The following UTP15 variants were observed in gnomAD, a reference collection of about 807,000 sequenced individuals.
UTP15 encodes the protein UTP15 small subunit processome component.
UTP15 carries 5 observed loss-of-function variants against 59.1 expected under a neutral mutation model. The observed-to-expected ratio is 0.08, with a 90% CI of 0.04 to 0.18. UTP15 has a LOEUF of 0.18. Among genes scored for constraint, UTP15 ranks in the 10% least tolerant of loss-of-function variants. The pLI, the probability that UTP15 is intolerant of heterozygous loss-of-function variation, is 1.00. For missense variants in UTP15, 494 were observed against 616.7 expected (o/e 0.80, Z 2.11); for synonymous variants, 211 against 212.2 (o/e 0.99, Z 0.05).
In UTP15 at chr5:73,570,600, A is replaced by G; in HGVS notation, c.562A>G (p.Thr188Ala). The part of the protein sequence containing the change: ...DLFITGSYDH[T>A]VKMFDARTSE... Reference sequence around the variant, plus strand: ...TGACATTTTAGGATCATATGATCATACTGTGAAGATGTTTGATGCACGAAC... The same window carrying G: ...TGACATTTTAGGATCATATGATCATGCTGTGAAGATGTTTGATGCACGAAC... Residue 188 changes from threonine (T) to alanine (A), a missense_variant, in exon 6 of 13, where the codon ACT becomes GCT. Transcript: ENST00000296792. 1.9e-6 allele frequency: 3 copies of G among 1,614,192 alleles called. No homozygotes were observed. Among genetic ancestry groups the G allele is most frequent in the Non-Finnish European group, 2.5e-6 (3 of 1,180,012 alleles).
Position 73,580,296 on chromosome 5 carries a change from G to C in UTP15, c.*202G>C. On this transcript the variant is annotated 3_prime_UTR_variant, in exon 13 of 13. Transcript: ENST00000296792. ...TTTCCATGTAATATTTTGAATTATAGCATCTTCACCTAGAAGATCTCAATT... is the reference window on the plus strand; with the variant it reads ...TTTCCATGTAATATTTTGAATTATACCATCTTCACCTAGAAGATCTCAATT... 2.2e-6 allele frequency: 1 copy of C among 461,736 alleles called. No homozygotes were observed. Among genetic ancestry groups the C allele is most frequent in the Non-Finnish European group, 3.9e-6 (1 of 258,864 alleles). The allele number at this position is 461,736 out of a possible 1,614,324, so 28.6% of individuals were successfully genotyped here.
At chr5:73,575,482 T>A (rs1008126898) in intron 7 of UTP15, among the ~76,000 whole-genome samples, 1 of 151,914 alleles carries the variant, frequency 6.6e-6, no homozygotes. Context: ...AAGAATTCTG[T>A]GCCCCAAAAT....
At position 73,582,297 on chromosome 5, in the gene UTP15, T is replaced by C. The variant is rs781273253; in HGVS notation, c.*2203T>C. 2 of 152,228 alleles carry C rather than the reference T, an allele frequency of 1.3e-5. No homozygotes were observed. Among genetic ancestry groups the C allele is most frequent in the Non-Finnish European group, 2.9e-5 (2 of 68,058 alleles). 9.4% of individuals were successfully genotyped at this position (152,228 alleles called of 1,614,324 possible). On this transcript the variant is annotated 3_prime_UTR_variant, in exon 13 of 13. Transcript: ENST00000296792. ...ACTGAGTGCTGCAGTTCTCAAAATA[T>C]GTAACAGTTAACACATTTTTCAAAC...
Position 73,580,221 on chromosome 5 carries a change from T to C in UTP15, c.*127T>C. ...GCAGAAGCAGTTCTGTGGAAGAGAC[T>C]GGAATAATTATGGCCGGAAAACAAG... On this transcript the variant is annotated 3_prime_UTR_variant, in exon 13 of 13. Coordinates refer to ENST00000296792, the MANE Select transcript of UTP15 (RefSeq NM_032175.4). The C allele has an allele frequency of 1.4e-6, 1 of 709,400 alleles. No homozygotes were observed. Among genetic ancestry groups the C allele is most frequent in the Non-Finnish European group, 2.2e-6 (1 of 453,482 alleles). 43.9% of individuals were successfully genotyped at this position (709,400 alleles called of 1,614,324 possible).
intron 7 of UTP15, among the ~76,000 whole-genome samples, chr5:73,575,488 A>C (rs888553759): frequency 6.6e-6 from 1 of 152,160 alleles, no homozygotes; most frequent in Non-Finnish European, 1.5e-5. Context: ...TCTGTGCCCC[A>C]AAATGACAGT....
In UTP15 at chr5:73,577,932, A is replaced by T. The variant is rs1748150013; in HGVS notation, c.971A>T (p.Lys324Met). ...AAACATCGGAAATCTGAAGCAAAGA[A>T]GGAATCACTTCCCAGAAGAAGAAGG... The part of the protein sequence containing the change: ...SVKHRKSEAK[K>M]ESLPRRRRPA... Residue 324 changes from lysine (K) to methionine (M), a missense_variant, in exon 9 of 13, where the codon AAG (lysine) becomes ATG (methionine). By Grantham distance (95) the Lys-to-Met change is moderately conservative. Transcript: ENST00000296792. 1 of 1,591,680 alleles carries T rather than the reference A, an allele frequency of 6.3e-7. No individual in the cohort carries two copies. The highest frequency in any genetic ancestry group is 8.5e-7 in the Non-Finnish European group (1 of 1,173,740).
rs1343250911 is a variant in UTP15, at chr5:73,568,347, T to G, written c.183+20T>G. The G allele has an allele frequency of 6.3e-7, 1 of 1,583,340 alleles. No homozygotes were observed. Among genetic ancestry groups the G allele is most frequent in the Admixed American group, 1.8e-5 (1 of 54,112 alleles). ...TCAAGAGTAAGTATAATATTAAATT[T>G]CTTTATTTTTCTTTTGTATAGTTTA... is the stretch of plus-strand genomic sequence containing the variant. On this transcript the variant is annotated intron_variant, in intron 3 of 12. Transcript: ENST00000296792.
chr5:73,573,654 G>A (rs1000327010), intron 7 of UTP15, among the ~76,000 whole-genome samples: 5 of 148,230 alleles, frequency 3.4e-5, no homozygotes, highest in Non-Finnish European at 5.9e-5. Context: ...TCAGCTCACT[G>A]CAACCTCTGC....
Position 73,577,030 on chromosome 5 carries a change from C to T in UTP15, c.888C>T (p.Ala296=). ...FDYAASILSL[A]LAHEDETIVV... The stretch of plus-strand genomic sequence containing the variant: ...ATGCAGCTTCAATTTTGAGTCTTGC[C>T]CTTGCAGTAAGTACCTTTACCTATT... Residue 296 remains alanine, a synonymous_variant, in exon 8 of 13, where the codon GCC becomes GCT. Transcript: ENST00000296792. 3 of 1,607,782 alleles carry T rather than the reference C, an allele frequency of 1.9e-6. No individual in the cohort carries two copies. The highest frequency in any genetic ancestry group is 2.5e-6 in the Non-Finnish European group (3 of 1,177,894).
chr5:73,572,723 A>G, intron 7 of UTP15, 99 bp downstream of exon 7: 1 of 1,205,948 alleles, frequency 8.3e-7, no homozygotes, highest in Non-Finnish European at 1.1e-6. Flanking sequence ...AAGTATACAG[A>G]TAATGATTTC....
At position 73,578,759 on chromosome 5, in the gene UTP15, T is replaced by G. The variant is rs142119358; in HGVS notation, c.1053T>G (p.Ile351Met). Residue 351 changes from isoleucine to methionine, a missense_variant, in exon 10 of 13, where the codon ATT (isoleucine) becomes ATG (methionine). Physicochemically the swap from Ile to Met is conservative, Grantham distance 10 (BLOSUM62 1). Coordinates refer to ENST00000296792, the MANE Select transcript of UTP15 (RefSeq NM_032175.4). The stretch of plus-strand genomic sequence containing the variant: ...TGTACTTTTCATTGCAGGATGACAT[T>G]TTGATTAACAGGCCAGCAAAGAAGC... ...GKNYMKQRDD[I>M]LINRPAKKHL... The G allele has an allele frequency of 1.8e-4, 290 of 1,613,760 alleles. 1 individual carries two copies. In the African/African-American group the frequency reaches 2.7e-3, roughly 15 times the overall value.
rs1314275154 is a variant in UTP15, at chr5:73,565,843, G to T, written c.-153G>T. ...GTGCTGCTGAACTGTGCAGGGTAGGGAGCTGGCACAGTCCGATTAATTGTC... is the reference window on the plus strand; with the variant it reads ...GTGCTGCTGAACTGTGCAGGGTAGGTAGCTGGCACAGTCCGATTAATTGTC... On this transcript the variant is annotated 5_prime_UTR_variant, in exon 1 of 13. Coordinates refer to ENST00000296792, the MANE Select transcript of UTP15 (RefSeq NM_032175.4). 6.6e-6 allele frequency: 3 copies of T among 456,192 alleles called. No homozygotes were observed. Among genetic ancestry groups the T allele is most frequent in the East Asian group, 1.4e-4 (2 of 14,406 alleles). 28.3% of individuals were successfully genotyped at this position (456,192 alleles called of 1,614,324 possible).
rs949623747 is a variant in UTP15, at chr5:73,579,056, A to G, written c.1186A>G (p.Ile396Val). The change falls in exon 11 of 13, where the codon ATC (isoleucine) becomes GTC (valine). Residue 396 changes from isoleucine to valine, a missense_variant. Transcript: ENST00000296792. ...TIKTPEITVS[I>V]IKELNRRGVL... ...AAAGACACCCGAGATTACGGTGTCC[A>G]TCATAAAGGAGTTAAATCGAAGAGG... The G allele has an allele frequency of 1.9e-6, 3 of 1,613,948 alleles. No homozygotes were observed. The highest frequency in any genetic ancestry group is 2.5e-6 in the Non-Finnish European group (3 of 1,179,886).
In UTP15 at chr5:73,565,839, T is replaced by C. The variant is rs1402941808; in HGVS notation, c.-157T>C. ...GCCAGTGCTGCTGAACTGTGCAGGG[T>C]AGGGAGCTGGCACAGTCCGATTAAT... On this transcript the variant is annotated 5_prime_UTR_variant, in exon 1 of 13. Coordinates refer to ENST00000296792, the MANE Select transcript of UTP15 (RefSeq NM_032175.4). 2 of 456,148 alleles carry C rather than the reference T, an allele frequency of 4.4e-6. No homozygotes were observed. The highest frequency in any genetic ancestry group is 2.3e-5 in the Admixed American group (1 of 42,556). The allele number at this position is 456,148 out of a possible 1,614,324, so 28.3% of individuals were successfully genotyped here.
intron 5 of UTP15, among the ~76,000 whole-genome samples, chr5:73,570,177 T>C (rs1747891481): frequency 6.6e-6 from 1 of 152,200 alleles, no homozygotes; most frequent in Non-Finnish European, 1.5e-5. Flanking sequence ...TGTTGATTGT[T>C]CATGTCTTCC....
chr5:73,568,302 A>G lies in UTP15; in HGVS notation c.158A>G (p.Asn53Ser), dbSNP rs779351460. ...GACTTTTCTCCTCAGCCTCCATATA[A>G]TTATGCTGTCACAGCTTCCTCAAGA... is the stretch of plus-strand genomic sequence containing the variant. ...KVDFSPQPPYNYAVTASSRIH... is the reference protein window; with the variant it reads ...KVDFSPQPPYSYAVTASSRIH... Residue 53 changes from asparagine to serine, a missense_variant, in exon 3 of 13, where the codon AAT becomes AGT. Asn to Ser is a conservative substitution (Grantham distance 46). Transcript: ENST00000296792. 2 of 1,610,718 alleles carry G rather than the reference A, an allele frequency of 1.2e-6. No individual in the cohort carries two copies. Among genetic ancestry groups the G allele is most frequent in the Non-Finnish European group, 1.7e-6 (2 of 1,178,978 alleles).
At chr5:73,575,955 A>G (rs1214532581) in intron 7 of UTP15, among the ~76,000 whole-genome samples, 1 of 151,948 alleles carries the variant, frequency 6.6e-6, no homozygotes, top group Non-Finnish European at 1.5e-5. Flanking sequence ...TCCCGACCTC[A>G]GGTGATCTGC....
chr5:73,567,312 G>A lies in UTP15; in HGVS notation c.-33G>A. 1 of 1,461,688 alleles carries A rather than the reference G, an allele frequency of 6.8e-7. No individual in the cohort carries two copies. Among genetic ancestry groups the A allele is most frequent in the East Asian group, 2.4e-5 (1 of 42,322 alleles). 90.5% of individuals were successfully genotyped at this position (1,461,688 alleles called of 1,614,324 possible). A position where few individuals can be genotyped will look rare whatever the true frequency, so the allele number is the denominator to read the frequency against. ...TTTCTAATACCAATTCCAAAATAGTGACTCTTGGACAATAGTGCAATTATA... is the reference window on the plus strand; with the variant it reads ...TTTCTAATACCAATTCCAAAATAGTAACTCTTGGACAATAGTGCAATTATA... On this transcript the variant is annotated 5_prime_UTR_variant, in exon 2 of 13. Coordinates refer to ENST00000296792, the MANE Select transcript of UTP15 (RefSeq NM_032175.4).
In UTP15 at chr5:73,570,708, G is replaced by A; in HGVS notation, c.670G>A (p.Ala224Thr). The change falls in exon 6 of 13, where the codon GCA becomes ACA. Residue 224 changes from alanine (A) to threonine (T), a missense_variant. Coordinates refer to ENST00000296792, the MANE Select transcript of UTP15 (RefSeq NM_032175.4). ...CCCCTCTGGAGGTCTTCTGGTGTCAGCAGGTACTTCTTAAAAATAGCTTTC... is the reference window on the plus strand; with the variant it reads ...CCCCTCTGGAGGTCTTCTGGTGTCAACAGGTACTTCTTAAAAATAGCTTTC... ...LFPSGGLLVS[A>T]GGRYVKVWDM... 6.2e-7 allele frequency: 1 copy of A among 1,611,702 alleles called. No homozygotes were observed.
Sources: gnomAD v4.1 joint callset for allele counts (sites outside exome capture counted in the v4.1 genomes callset) on GRCh38, gnomAD v4.1.1 for gene constraint, MANE v1.5 for transcripts, NCBI Gene and HGNC (gene_info 2026-07-23, HGNC 2026-07-21) for gene names.